Variants in BCAR1 observed in about 807,000 individuals in gnomAD.
The protein encoded by BCAR1 is breast cancer anti-estrogen resistance protein 1.
Under a neutral mutation model 67.6 loss-of-function variants are expected in BCAR1, and 30 were observed. The ratio of observed to expected loss-of-function variants is 0.44; its 90% CI spans 0.33 to 0.60. The LOEUF (loss-of-function observed/expected upper bound fraction) is 0.60. Ranked by LOEUF, BCAR1 falls within the 20% of genes least tolerant of loss-of-function variation. The pLI, the probability that BCAR1 is intolerant of heterozygous loss-of-function variation, is 0.02. For missense variants in BCAR1, 1,313 were observed against 1,222.3 expected (o/e 1.07, Z -1.11); for synonymous variants, 626 against 556.7 (o/e 1.12, Z -1.75).
chr16:75,245,457 C>G (rs1210769755), intron 1 of BCAR1, among the ~76,000 whole-genome samples: 1 of 152,138 alleles, frequency 6.6e-6, no homozygotes, highest in Admixed American at 6.5e-5. Context: ...CAGGCAGGGC[C>G]AGGCACTCAG....
chr16:75,242,684 G>A lies in BCAR1; in HGVS notation c.419C>T (p.Pro140Leu). 2 of 1,537,838 alleles carry A rather than the reference G, an allele frequency of 1.3e-6. No individual in the cohort carries two copies. The highest frequency in any genetic ancestry group is 1.7e-6 in the Non-Finnish European group (2 of 1,144,310). ...GAAGGTGGATGTCTGCTTGGCTGGG[G>A]GAGACTGGAACTGAGGGCTGGGACC... ...VPGPSPQFQSPPAKQTSTFSK... is the reference protein window; with the variant it reads ...VPGPSPQFQSLPAKQTSTFSK... Residue 140 changes from proline (P) to leucine (L), a missense_variant, in exon 2 of 7, where the codon CCC becomes CTC. Pro to Leu is a moderately conservative substitution (Grantham distance 98). Around this residue, in one of 2 missense-constraint regions of BCAR1, gnomAD observed 1,272 missense variants for 1,137.5 expected, o/e 1.12. Transcript: ENST00000162330.
At chr16:75,264,125 C>T (rs771424211) in intron 1 of BCAR1, 56 of 1,297,110 alleles carry the variant, frequency 4.3e-5, no homozygotes, top group Non-Finnish European at 4.9e-5. Flanking sequence ...CAAGTCCTAC[C>T]CAGCCCGCTG....
intron 1 of BCAR1, chr16:75,250,901 C>CCCGCT: frequency 2.0e-6 from 2 of 985,584 alleles, no homozygotes; most frequent in Non-Finnish European, 2.4e-6. Context: ...CGCCCCCACT[C>CCCGCT]CCGCTCCGCT....
chr16:75,245,714 C>G (rs1040296311), intron 1 of BCAR1, among the ~76,000 whole-genome samples: 4 of 152,226 alleles, frequency 2.6e-5, no homozygotes, highest in Non-Finnish European at 4.4e-5. Context: ...CCTGCGTCAG[C>G]TGGTGTGCCC....
chr16:75,246,092 CCTTAGCCTCCCAA>C (rs906667137), intron 1 of BCAR1: 2 of 150,852 alleles, frequency 1.3e-5, no homozygotes, highest in African/African-American at 4.9e-5. Flanking sequence ...CCACCTCCCA[CCTTAGCCTCCCAA>C]GTAGCTAGGA....
chr16:75,228,934 C>T lies in BCAR1; in HGVS notation c.*577G>A, dbSNP rs989418062. ...TAGAGAGACCCACTCCTCCTCTGCCCTCCCGGGAGATGCCACGCATGGCCC... is the reference window on the plus strand; with the variant it reads ...TAGAGAGACCCACTCCTCCTCTGCCTTCCCGGGAGATGCCACGCATGGCCC... On this transcript the variant is annotated 3_prime_UTR_variant, in exon 7 of 7. Transcript: ENST00000162330. 1 of 152,472 alleles carries T rather than the reference C, an allele frequency of 6.6e-6. No individual in the cohort carries two copies. The highest frequency in any genetic ancestry group is 2.4e-5 in the African/African-American group (1 of 41,480). The allele number at this position is 152,472 out of a possible 1,614,324, so 9.4% of individuals were successfully genotyped here. A position where few individuals can be genotyped will look rare whatever the true frequency, so the allele number is the denominator to read the frequency against.
chr16:75,247,853 G>A (rs1481113297), intron 1 of BCAR1: 2 of 610,116 alleles, frequency 3.3e-6, no homozygotes, highest in African/African-American at 3.7e-5. Context: ...GTGGGAGCTG[G>A]GAGAAAATGG....
intron 1 of BCAR1, among the ~76,000 whole-genome samples, chr16:75,257,168 A>C (rs1204772917): frequency 6.6e-6 from 1 of 152,154 alleles, no homozygotes; most frequent in Non-Finnish European, 1.5e-5. Flanking sequence ...GGGTGTGGTC[A>C]GGAGGCCTCC....
At chr16:75,247,984 A>T in intron 1 of BCAR1, 1 of 915,446 alleles carries the variant, frequency 1.1e-6, no homozygotes, top group Non-Finnish European at 1.8e-6. Flanking sequence ...TCCCTGCGGG[A>T]GGCAGAGCTC....
upstream of BCAR1, chr16:75,252,230 C>T (rs567705670): frequency 1.3e-5 from 20 of 1,536,668 alleles, no homozygotes; most frequent in East Asian, 3.4e-4. Flanking sequence ...ACGGGCAGCA[C>T]CTACCTTCCC....
chr16:75,264,751 C>A, intron 1 of BCAR1: 1 of 869,696 alleles, frequency 1.1e-6, no homozygotes, highest in Non-Finnish European at 1.5e-6. Flanking sequence ...AAAGCCCCCA[C>A]TGCCTGCTTC....
At chr16:75,246,306 C>G (rs1175694794) in intron 1 of BCAR1, 1 of 152,290 alleles carries the variant, frequency 6.6e-6, no homozygotes, top group Non-Finnish European at 1.5e-5. Context: ...CGCCTGGCCC[C>G]TGCTTTGGCT....
chr16:75,242,260 C>T (rs888078198), intron 2 of BCAR1, among the ~76,000 whole-genome samples: 5 of 152,218 alleles, frequency 3.3e-5, no homozygotes, highest in East Asian at 3.8e-4. Context: ...CTGAGGCCAG[C>T]GGAGCATCTC....
At chr16:75,238,038 C>T (rs1379806909) in intron 2 of BCAR1, 11 of 1,288,674 alleles carry the variant, frequency 8.5e-6, no homozygotes, top group Non-Finnish European at 1.0e-5. Context: ...AGGATGAGGC[C>T]TAGTGGGGGA....
At chr16:75,244,058 G>T (rs1004453514) in intron 1 of BCAR1, among the ~76,000 whole-genome samples, 3 of 152,236 alleles carry the variant, frequency 2.0e-5, no homozygotes, top group Non-Finnish European at 4.4e-5. Context: ...GGTTCCACAG[G>T]GGCCCCAGAC....
Position 75,237,306 on chromosome 16 carries a change from G to T in BCAR1, c.672C>A (p.Tyr224Ter). ...VPTRVGQGYV[Y>*]EAAQPEQDEY... ...CGTCCTGCTCCGGCTGGGCGGCCTC[G>T]TATACATAGCCCTGCCCCACGCGGG... Residue 224 changes from tyrosine (Y) to a stop codon, truncating the protein, a stop_gained, in exon 3 of 7, where the codon TAC becomes TAA. Coordinates refer to ENST00000162330, the MANE Select transcript of BCAR1 (RefSeq NM_014567.5). LOFTEE classifies it high-confidence loss of function. The T allele has an allele frequency of 6.6e-7, 1 of 1,522,580 alleles. No homozygotes were observed. The highest frequency in any genetic ancestry group is 8.8e-7 in the Non-Finnish European group (1 of 1,139,316). The allele number at this position is 1,522,580 out of a possible 1,614,324, so 94.3% of individuals were successfully genotyped here.
upstream of BCAR1, among the ~76,000 whole-genome samples, chr16:75,254,552 G>GGCACACACTTGCATACACACA (rs2077738265): frequency 6.6e-6 from 1 of 152,226 alleles, no homozygotes; most frequent in African/African-American, 2.4e-5. Context: ...TAAGTGCAGA[G>GGCACACACTTGCATACACACA]GCACACACTT....
At position 75,237,289 on chromosome 16, in the gene BCAR1, T is replaced by G. The variant is rs1198144330; in HGVS notation, c.689A>C (p.Glu230Ala). The change falls in exon 3 of 7, where the codon GAG (glutamate) becomes GCG (alanine). Residue 230 changes from glutamate to alanine, a missense_variant. Physicochemically the swap from Glu to Ala is moderately radical, Grantham distance 107 (BLOSUM62 -1). Around this residue, in one of 2 missense-constraint regions of BCAR1, gnomAD observed 1,272 missense variants for 1,137.5 expected, o/e 1.12. Coordinates refer to ENST00000162330, the MANE Select transcript of BCAR1 (RefSeq NM_014567.5). Reference protein sequence around the residue: ...QGYVYEAAQPEQDEYDIPRHL... With the variant: ...QGYVYEAAQPAQDEYDIPRHL... The stretch of plus-strand genomic sequence containing the variant: ...TCGCGGGATGTCGTACTCGTCCTGC[T>G]CCGGCTGGGCGGCCTCGTATACATA... The G allele has an allele frequency of 6.6e-7, 1 of 1,520,186 alleles. No homozygotes were observed. Among genetic ancestry groups the G allele is most frequent in the African/African-American group, 1.4e-5 (1 of 71,246 alleles). 94.2% of individuals were successfully genotyped at this position (1,520,186 alleles called of 1,614,324 possible).
At chr16:75,263,645 C>G in intron 1 of BCAR1, 1 of 985,474 alleles carries the variant, frequency 1.0e-6, no homozygotes, top group South Asian at 4.7e-5. Context: ...CACCCTGCTT[C>G]CCCTCCCATC....
Sources: gnomAD v4.1 joint callset for allele counts (sites outside exome capture counted in the v4.1 genomes callset) on GRCh38, gnomAD v4.1.1 for gene constraint, gnomAD v4.1.1 regional missense constraint, MANE v1.5 for transcripts, NCBI Gene and HGNC (gene_info 2026-07-23, HGNC 2026-07-21) for gene names.